HOOK3: variants seen among roughly 807,000 people sequenced by gnomAD.
HOOK3 encodes protein Hook homolog 3.
HOOK3 carries 24 observed loss-of-function variants against 116.3 expected under a neutral mutation model. The observed-to-expected ratio is 0.21, with a 90% CI of 0.15 to 0.29. The LOEUF (loss-of-function observed/expected upper bound fraction) is 0.29. Among genes scored for constraint, HOOK3 ranks in the 10% least tolerant of loss-of-function variants. The pLI is 1.00. For synonymous variants in HOOK3, 275 were observed against 283.0 expected, an observed-to-expected ratio of 0.97 and a Z score of 0.28; for missense variants, 632 against 830.2, an observed-to-expected ratio of 0.76 and a Z score of 2.93.
chr8:42,897,159 G>T lies in HOOK3; in HGVS notation c.28G>T (p.Ala10Ser). The T allele has an allele frequency of 8.0e-7, 1 of 1,248,962 alleles. No homozygotes were observed. 77.4% of individuals were successfully genotyped at this position (1,248,962 alleles called of 1,614,324 possible). A position where few individuals can be genotyped will look rare whatever the true frequency, so the allele number is the denominator to read the frequency against. ...GTTCAGCGTAGAGTCGCTGGAGCGG[G>T]CGGAGCTGTGCGAGAGCCTCCTCAC... Reference protein sequence around the residue: MFSVESLERAELCESLLTWI... With the variant: MFSVESLERSELCESLLTWI... The change falls in exon 1 of 22, where the codon GCG (alanine) becomes TCG (serine). Residue 10 changes from alanine (A) to serine (S), a missense_variant. This residue lies in a region of HOOK3 where 141 missense variants were observed against 150.8 expected (regional missense o/e 0.93). Coordinates refer to ENST00000307602, the MANE Select transcript of HOOK3 (RefSeq NM_032410.4).
chr8:42,967,220 T>C (rs1808647619), intron 10 of HOOK3, among the ~76,000 whole-genome samples: 1 of 152,062 alleles, frequency 6.6e-6, no homozygotes, highest in Admixed American at 6.6e-5. Context: ...GCTCATTGTC[T>C]CACTCATAGC....
intron 5 of HOOK3, among the ~76,000 whole-genome samples, chr8:42,946,683 C>G (rs1198768765): frequency 1.3e-5 from 2 of 151,474 alleles, no homozygotes; most frequent in Non-Finnish European, 2.9e-5. Context: ...TTATTGGTCT[C>G]CAATTCAGTA....
At chr8:42,946,986 G>T (rs2130391173) in intron 5 of HOOK3, among the ~76,000 whole-genome samples, 1 of 152,056 alleles carries the variant, frequency 6.6e-6, no homozygotes, top group South Asian at 2.1e-4. Context: ...GGTCAGGCTG[G>T]TCTCGAGCTC....
intron 21 of HOOK3, among the ~76,000 whole-genome samples, chr8:43,015,070 C>A (rs1194847774): frequency 6.6e-6 from 1 of 151,890 alleles, no homozygotes; most frequent in African/African-American, 2.4e-5. Flanking sequence ...TCGCTTAAAC[C>A]CGGGAGGCGG....
intron 5 of HOOK3, among the ~76,000 whole-genome samples, chr8:42,948,525 C>T (rs1277359259): frequency 1.3e-5 from 2 of 152,166 alleles, no homozygotes; most frequent in Non-Finnish European, 2.9e-5. Flanking sequence ...CACCTACTAA[C>T]CCCTCACCCC....
At chr8:42,910,464 G>A (rs1231094879) in intron 2 of HOOK3, among the ~76,000 whole-genome samples, 2 of 152,036 alleles carry the variant, frequency 1.3e-5, no homozygotes, top group Non-Finnish European at 2.9e-5. Context: ...CACTCAGATT[G>A]AGATACAGAA....
chr8:43,010,518 A>C (rs1432665701), intron 19 of HOOK3, 113 bp downstream of exon 19: 1 of 304,490 alleles, frequency 3.3e-6, no homozygotes, highest in East Asian at 7.1e-5. Flanking sequence ...AACTCTCAGG[A>C]GAAGAACAAA....
At chr8:42,946,886 A>G (rs554516368) in intron 5 of HOOK3, among the ~76,000 whole-genome samples, 1 of 149,408 alleles carries the variant, frequency 6.7e-6, no homozygotes, top group African/African-American at 2.5e-5. Flanking sequence ...CTCCTGCCTC[A>G]GCCTCCTGAG....
intron 3 of HOOK3, among the ~76,000 whole-genome samples, chr8:42,926,860 G>A (rs183165426): frequency 3.0e-4 from 45 of 152,254 alleles, no homozygotes; most frequent in Non-Finnish European, 3.4e-4. Flanking sequence ...GAACTATTCC[G>A]TCACCACACA....
intron 21 of HOOK3, among the ~76,000 whole-genome samples, chr8:43,016,519 C>T (rs911823601): frequency 8.5e-5 from 13 of 152,200 alleles, no homozygotes; most frequent in African/African-American, 2.9e-4. Flanking sequence ...TGCTTACATT[C>T]AGAAAGTTCT....
chr8:42,965,737 T>C (rs961215976), intron 9 of HOOK3, among the ~76,000 whole-genome samples: 3 of 152,188 alleles, frequency 2.0e-5, no homozygotes, highest in Non-Finnish European at 4.4e-5. Flanking sequence ...GAAATGTTTC[T>C]GGATTTTTTT....
At chr8:42,927,382 G>A (rs925817701) in intron 3 of HOOK3, among the ~76,000 whole-genome samples, 3 of 149,650 alleles carry the variant, frequency 2.0e-5, no homozygotes, top group South Asian at 2.1e-4. Context: ...TCGGTCTCCC[G>A]AGTAGCTGGG....
chr8:42,911,863 T>C (rs1807437660), intron 2 of HOOK3, among the ~76,000 whole-genome samples: 2 of 152,240 alleles, frequency 1.3e-5, no homozygotes, highest in South Asian at 2.1e-4. Flanking sequence ...GTCATGAGTG[T>C]AGTTTGGGGG....
At chr8:42,949,126 C>A (rs561363865) in intron 5 of HOOK3, among the ~76,000 whole-genome samples, 2 of 152,132 alleles carry the variant, frequency 1.3e-5, no homozygotes, top group African/African-American at 4.8e-5. Flanking sequence ...CATGGTAAGA[C>A]CCCTTCATAT....
chr8:42,988,022 T>A (rs1323329028), intron 15 of HOOK3, among the ~76,000 whole-genome samples: 1 of 152,188 alleles, frequency 6.6e-6, no homozygotes, highest in African/African-American at 2.4e-5. Flanking sequence ...GCTGTGACAG[T>A]TGTATCCATC....
rs1807845521 is a variant in HOOK3 at position 42,930,113 on chromosome 8, T to C, written c.217-9T>C. On this transcript the variant is annotated splice_polypyrimidine_tract_variant and intron_variant, in intron 3 of 21. Transcript: ENST00000307602. ...CTTTTACCCAGTTGTTTTCTCTCTCTTTAAACAGATAAGCAATTTAAAGAA... is the reference window on the plus strand; with the variant it reads ...CTTTTACCCAGTTGTTTTCTCTCTCCTTAAACAGATAAGCAATTTAAAGAA... 1 of 1,554,072 alleles carries C rather than the reference T, an allele frequency of 6.4e-7. No individual in the cohort carries two copies.
intron 10 of HOOK3, among the ~76,000 whole-genome samples, chr8:42,967,287 A>C (rs11990369): frequency 0.047 from 7,158 of 151,846 alleles, 335 homozygotes; most frequent in African/African-American, 0.12. Context: ...ACCTCCCATG[A>C]CTTAGTCTCA....
At chr8:42,975,069 G>A (rs535080330) in intron 13 of HOOK3, among the ~76,000 whole-genome samples, 191 of 152,230 alleles carry the variant, frequency 1.3e-3, no homozygotes, top group African/African-American at 3.3e-3. Context: ...GACAAGCAGC[G>A]GGCTGGGGAG....
chr8:42,928,426 G>A lies in HOOK3; in HGVS notation c.217-1696G>A, dbSNP rs928983053. ...AGATTGCGCCACTGTACTCCAGCCT[G>A]GGCGACAGAGCAAGACTCAGTCTCA... On this transcript the variant is annotated intron_variant, in intron 3 of 21. Coordinates refer to ENST00000307602, the MANE Select transcript of HOOK3 (RefSeq NM_032410.4). 6.6e-5 allele frequency among the ~76,000 whole-genome samples: 10 copies of A among 151,630 alleles called. No individual in the cohort carries two copies. In the East Asian group the frequency reaches 1.7e-3, roughly 27 times the overall value.
Sources: gnomAD v4.1 joint callset for allele counts (sites outside exome capture counted in the v4.1 genomes callset) on GRCh38, gnomAD v4.1.1 for gene constraint, gnomAD v4.1.1 regional missense constraint, MANE v1.5 for transcripts, NCBI Gene and HGNC (gene_info 2026-07-23, HGNC 2026-07-21) for gene names.